Variants in ASIC2 observed in about 807,000 individuals in gnomAD.
ASIC2 encodes the protein acid sensing ion channel subunit 2, also known as acid-sensing ion channel 2.
A neutral mutation model predicts 57.3 loss-of-function variants in ASIC2; 25 were observed. That is an observed-to-expected ratio of 0.44 (90% CI 0.32 to 0.61). The LOEUF (loss-of-function observed/expected upper bound fraction) is 0.61. Among genes scored for constraint, ASIC2 ranks in the 20% least tolerant of loss-of-function variants. The probability of loss-of-function intolerance (pLI) is 0.06; values close to 1 mark genes in which losing one functional copy is unlikely to be tolerated. For missense variants in ASIC2, 641 were observed against 738.1 expected (o/e 0.87, Z 1.52); for synonymous variants, 319 against 307.5 (o/e 1.04, Z -0.39).
At chr17:33,895,273 G>T (rs913789510) in intron 1 of ASIC2, among the ~76,000 whole-genome samples, 1 of 151,322 alleles carries the variant, frequency 6.6e-6, no homozygotes, top group Admixed American at 6.6e-5. Flanking sequence ...AGCAATCCTC[G>T]TGTCTCAGCC....
intron 1 of ASIC2, among the ~76,000 whole-genome samples, chr17:33,547,090 C>T (rs1915601589): frequency 6.6e-6 from 1 of 152,144 alleles, no homozygotes. Flanking sequence ...TATTTCTGAT[C>T]TGGTGTCCCA....
At chr17:33,972,703 T>C (rs1355695673) in intron 1 of ASIC2, among the ~76,000 whole-genome samples, 1 of 152,242 alleles carries the variant, frequency 6.6e-6, no homozygotes, top group East Asian at 1.9e-4. Context: ...TTTATAAGAC[T>C]AGCTCCTGCC....
At chr17:33,836,710 AG>A (rs1007347188) in intron 1 of ASIC2, among the ~76,000 whole-genome samples, 102 of 151,818 alleles carry the variant, frequency 6.7e-4, no homozygotes, top group African/African-American at 2.3e-3. Context: ...AAAATTAGCT[AG>A]GTGTGGTGGC....
chr17:33,281,479 C>A (rs1259038585), intron 1 of ASIC2, among the ~76,000 whole-genome samples: 2 of 152,208 alleles, frequency 1.3e-5, no homozygotes, highest in Non-Finnish European at 2.9e-5. Context: ...TTACACTAAA[C>A]ATTTATCCAC....
chr17:34,083,495 G>A (rs1324113472), intron 1 of ASIC2, among the ~76,000 whole-genome samples: 4 of 151,724 alleles, frequency 2.6e-5, no homozygotes, highest in Non-Finnish European at 4.4e-5. Context: ...GTGTGCATGT[G>A]TCTTTATAGC....
At chr17:34,002,648 C>G (rs1315216731) in intron 1 of ASIC2, 1 of 152,226 alleles carries the variant, frequency 6.6e-6, no homozygotes, top group Admixed American at 6.5e-5. Context: ...TTTGTTTCCT[C>G]AGTCCAAGGG....
intron 1 of ASIC2, chr17:34,146,725 G>A (rs539593469): frequency 1.3e-5 from 2 of 152,174 alleles, no homozygotes; most frequent in African/African-American, 4.8e-5. Flanking sequence ...CCCCACGAAG[G>A]GGACTGATTA....
Position 33,613,387 on chromosome 17 carries a change from T to C in ASIC2, c.556-501320A>G, listed in dbSNP as rs1426772093. On this transcript the variant is annotated intron_variant, in intron 1 of 9. Transcript: ENST00000359872. ...GTGTATTCTTTTTTTTTTTTTTTTT[T>C]TCCTTCCTGCTCTGTAGCCCAGACT... is the stretch of plus-strand genomic sequence containing the variant. 2.0e-5 allele frequency among the ~76,000 whole-genome samples: 3 copies of C among 149,924 alleles called. No homozygotes were observed. The East Asian group carries it at 5.8e-4, about 29-fold the overall frequency.
chr17:33,910,763 A>G (rs1915445538), intron 1 of ASIC2, among the ~76,000 whole-genome samples: 1 of 152,214 alleles, frequency 6.6e-6, no homozygotes. Flanking sequence ...GTAGGAAGTT[A>G]CAGTGTCCTC....
rs16584 is a variant in ASIC2, at chr17:33,049,989, C to G, written c.988-21597G>C. 6.8e-3 allele frequency among the ~76,000 whole-genome samples: 1,032 copies of G among 152,146 alleles called. 13 individuals carry two copies. The highest frequency in any genetic ancestry group is 0.024 in the African/African-American group (986 of 41,510). ...ATCTGTCTCCTGCTCACTGTTGCCTCCTAGTGGTCCCAAGGATCAGGGCAA... is the reference window on the plus strand; with the variant it reads ...ATCTGTCTCCTGCTCACTGTTGCCTGCTAGTGGTCCCAAGGATCAGGGCAA... On this transcript the variant is annotated intron_variant, in intron 3 of 9. Coordinates refer to ENST00000225823, the MANE Select transcript of ASIC2 (RefSeq NM_183377.2).
chr17:33,526,901 A>G (rs937934081), intron 1 of ASIC2, among the ~76,000 whole-genome samples: 2 of 152,218 alleles, frequency 1.3e-5, no homozygotes, highest in Admixed American at 6.5e-5. Flanking sequence ...TCTGTTCCCT[A>G]ATCAAAACAC....
At chr17:33,687,518 T>A (rs2016593) in intron 1 of ASIC2, among the ~76,000 whole-genome samples, 74,685 of 151,936 alleles carry the variant, frequency 0.49, 18,716 homozygotes, top group African/African-American at 0.57. Flanking sequence ...GCCACAATGG[T>A]TGGAAGTCCC....
At chr17:34,032,129 A>G (rs946729833) in intron 1 of ASIC2, among the ~76,000 whole-genome samples, 1 of 152,218 alleles carries the variant, frequency 6.6e-6, no homozygotes, top group Non-Finnish European at 1.5e-5. Flanking sequence ...CAGGTTACCC[A>G]CAAAGGGAAA....
chr17:33,062,411 C>T (rs538927991), intron 3 of ASIC2, among the ~76,000 whole-genome samples: 48 of 152,244 alleles, frequency 3.2e-4, no homozygotes, highest in African/African-American at 8.4e-4. Context: ...GCCTTCATTT[C>T]GTTATGTACA....
At position 33,204,859 on chromosome 17, in the gene ASIC2, A is replaced by G. The variant is rs76714281; in HGVS notation, c.708+86549T>C. The stretch of plus-strand genomic sequence containing the variant: ...TCATGAAGAGACAGAAGGGCCATGA[A>G]TGAAGCCAACACTGAGGAAGCAGAG... On this transcript the variant is annotated intron_variant, in intron 1 of 9. Coordinates refer to ENST00000225823, the MANE Select transcript of ASIC2 (RefSeq NM_183377.2). Among the ~76,000 whole-genome samples the G allele has an allele frequency of 6.6e-3, 1,002 of 152,320 alleles. 5 individuals are homozygous for G. The highest frequency in any genetic ancestry group is 0.038 in the South Asian group (184 of 4,826).
chr17:33,210,875 T>C (rs1907242497), intron 1 of ASIC2, among the ~76,000 whole-genome samples: 1 of 152,180 alleles, frequency 6.6e-6, no homozygotes, highest in Non-Finnish European at 1.5e-5. Context: ...GAGTCAGTCA[T>C]GAAGCTACTA....
chr17:33,651,615 G>A (rs1220013208), intron 1 of ASIC2, among the ~76,000 whole-genome samples: 2 of 152,174 alleles, frequency 1.3e-5, no homozygotes, highest in African/African-American at 4.8e-5. Flanking sequence ...GGAGAGCAAG[G>A]GTTTGAATTT....
chr17:33,926,331 C>T (rs1045412918), intron 1 of ASIC2, among the ~76,000 whole-genome samples: 3 of 152,088 alleles, frequency 2.0e-5, no homozygotes, highest in Non-Finnish European at 2.9e-5. Context: ...TGGGACCAGA[C>T]GTATTTTGAA....
intron 1 of ASIC2, among the ~76,000 whole-genome samples, chr17:33,439,414 AG>A (rs751561338): frequency 6.6e-6 from 1 of 152,212 alleles, no homozygotes; most frequent in Non-Finnish European, 1.5e-5. Context: ...GAAACAGTGT[AG>A]GGGGAAGGGC....
Sources: allele counts gnomAD v4.1 joint callset (sites outside exome capture counted in the v4.1 genomes callset), GRCh38; gene constraint gnomAD v4.1.1; transcripts MANE v1.5; gene names NCBI Gene and HGNC (gene_info 2026-07-23, HGNC 2026-07-21).